The following SARDH variants were observed in gnomAD, a reference collection of about 807,000 sequenced individuals.
SARDH encodes the protein sarcosine dehydrogenase.
A neutral mutation model predicts 109.1 loss-of-function variants in SARDH; 95 were observed. The observed-to-expected ratio is 0.87, with a 90% CI of 0.74 to 1.03. The LOEUF is 1.03. Among genes scored for constraint, SARDH ranks in the 50% least tolerant of loss-of-function variants. SARDH has a pLI of 0.00. For missense variants in SARDH, 1,267 were observed against 1,287.8 expected, an observed-to-expected ratio of 0.98 and a Z score of 0.25; for synonymous variants, 572 against 534.8, an observed-to-expected ratio of 1.07 and a Z score of -0.96.
rs1402597418 is a variant in SARDH at position 133,733,850 on chromosome 9, G to A, written c.324C>T (p.His108=). 6.8e-7 allele frequency: 1 copy of A among 1,465,746 alleles called. No homozygotes were observed. The highest frequency in any genetic ancestry group is 9.0e-7 in the Non-Finnish European group (1 of 1,107,152). 90.8% of individuals were successfully genotyped at this position (1,465,746 alleles called of 1,614,324 possible). A position where few individuals can be genotyped will look rare whatever the true frequency, so the allele number is the denominator to read the frequency against. ...RERLTSGTTW[H]TAGLLWQLRP... is the part of the protein sequence containing the mutation. ...CTGGCCCCCGGTCCCTACCTGCCGT[G>A]TGCCAGGTGGTCCCGGAGGTCAGCC... is the stretch of plus-strand genomic sequence containing the variant. Residue 108 remains histidine, a synonymous_variant, in exon 2 of 21, where the codon CAC becomes CAT. Transcript: ENST00000439388.
intron 4 of SARDH, among the ~76,000 whole-genome samples, chr9:133,730,751 G>T (rs111416137): frequency 0.018 from 2,764 of 152,196 alleles, 45 homozygotes; most frequent in Non-Finnish European, 0.026. Flanking sequence ...GCCGAGGCCG[G>T]TGGATCACGA....
intron 19 of SARDH, among the ~76,000 whole-genome samples, chr9:133,667,452 C>T (rs754875429): frequency 6.6e-6 from 1 of 152,020 alleles, no homozygotes; most frequent in African/African-American, 2.4e-5. Context: ...AGACTTGAGC[C>T]ACTGCGCCCG....
In SARDH at chr9:133,696,161, C is replaced by T; in HGVS notation, c.1807+62G>A. The T allele has an allele frequency of 1.9e-6, 3 of 1,598,516 alleles. No individual in the cohort carries two copies. The South Asian group carries it at 3.3e-5, about 18-fold the overall frequency. On this transcript the variant is annotated intron_variant, in intron 14 of 20. Coordinates refer to ENST00000439388, the MANE Select transcript of SARDH (RefSeq NM_001134707.2). ...GACAGGGTGGCTTGCCAGCTCATCT[C>T]AGTGCCTGAGGCTGTGCCCATGGAG...
chr9:133,731,955 ATT>A (rs1415153324), intron 3 of SARDH, among the ~76,000 whole-genome samples: 1 of 152,196 alleles, frequency 6.6e-6, no homozygotes, highest in Non-Finnish European at 1.5e-5. Flanking sequence ...ACGCCCCCAC[ATT>A]TGATTGGCCC....
At chr9:133,722,931 T>C (rs537779249) in intron 6 of SARDH, among the ~76,000 whole-genome samples, 1 of 152,316 alleles carries the variant, frequency 6.6e-6, no homozygotes, top group African/African-American at 2.4e-5. Flanking sequence ...AGTGCTGGGA[T>C]TATAGGCATG....
rs769374593 is a variant in SARDH at position 133,731,370 on chromosome 9, C to T, written c.625G>A (p.Gly209Ser). 5.0e-6 allele frequency: 8 copies of T among 1,614,164 alleles called. No individual in the cohort carries two copies. The Admixed American group carries it at 6.7e-5, about 13-fold the overall frequency. Residue 209 changes from glycine to serine, a missense_variant, in exon 4 of 21, where the codon GGT (glycine) becomes AGT (serine). Coordinates refer to ENST00000439388, the MANE Select transcript of SARDH (RefSeq NM_001134707.2). ...LYGTLYVPHD[G>S]TMDPAGTCTT... ...CAGGTGCCAGCGGGGTCCATGGTAC[C>T]GTCGTGCGGCACATACAGGGTCCCG... is the stretch of plus-strand genomic sequence containing the variant.
rs746564679 is a variant in SARDH at position 133,734,019 on chromosome 9, G to C, written c.155C>G (p.Thr52Ser). 2 of 1,613,234 alleles carry C rather than the reference G, an allele frequency of 1.2e-6. No homozygotes were observed. The highest frequency in any genetic ancestry group is 4.5e-5 in the East Asian group (2 of 44,880). Residue 52 changes from threonine to serine, a missense_variant, in exon 2 of 21, where the codon ACC becomes AGC. Coordinates refer to ENST00000439388, the MANE Select transcript of SARDH (RefSeq NM_001134707.2). The part of the protein sequence containing the change: ...YQRTLKEGQG[T>S]SVVAQGPSRP... ...GCTTGGGCCTTGGGCCACCACCGAG[G>C]TGCCCTGTCCCTCCTTCAGGGTCCG...
rs200142558 is a variant in SARDH at position 133,731,499 on chromosome 9, G to A, written c.511-15C>T. 4.9e-5 allele frequency: 79 copies of A among 1,613,486 alleles called. No individual in the cohort carries two copies. The African/African-American group carries it at 9.3e-4, about 19-fold the overall frequency. On this transcript the variant is annotated splice_polypyrimidine_tract_variant and intron_variant, in intron 3 of 20. Coordinates refer to ENST00000439388, the MANE Select transcript of SARDH (RefSeq NM_001134707.2). Reference sequence around the variant, plus strand: ...GCCTTGCCCAGCTAGGGGGACCCAGGGGAGGTTAACTGAGTCCGTGGGGAG... The same window carrying A: ...GCCTTGCCCAGCTAGGGGGACCCAGAGGAGGTTAACTGAGTCCGTGGGGAG...
chr9:133,661,493 G>A (rs1006113361), downstream of SARDH, among the ~76,000 whole-genome samples: 9 of 150,058 alleles, frequency 6.0e-5, no homozygotes, highest in African/African-American at 2.2e-4. Flanking sequence ...TTTTTTTGTT[G>A]TTTTTGAGAC....
At position 133,734,039 on chromosome 9, in the gene SARDH, G is replaced by A; in HGVS notation, c.135C>T (p.Thr45=). 4 of 1,613,364 alleles carry A rather than the reference G, an allele frequency of 2.5e-6. No individual in the cohort carries two copies. Among genetic ancestry groups the A allele is most frequent in the Non-Finnish European group, 3.4e-6 (4 of 1,179,960 alleles). The change falls in exon 2 of 21, where the codon ACC becomes ACT. Residue 45 remains threonine, a synonymous_variant. Transcript: ENST00000439388. ...CCGAGGTGCCCTGTCCCTCCTTCAG[G>A]GTCCGCTGATATGGCACACTCTTCT... The part of the protein sequence containing the change: ...TAEKSVPYQR[T]LKEGQGTSVV...
At position 133,686,536 on chromosome 9, in the gene SARDH, A is replaced by C; in HGVS notation, c.2070-1250T>G. 2.1e-5 allele frequency among the ~76,000 whole-genome samples: 3 copies of C among 146,138 alleles called. No homozygotes were observed. Among genetic ancestry groups the C allele is most frequent in the African/African-American group, 2.6e-5 (1 of 39,116 alleles). On this transcript the variant is annotated intron_variant, in intron 16 of 20. Transcript: ENST00000439388. The surrounding 1 kb of genome is among the most constrained non-coding windows in gnomAD (Gnocchi z 4.0). ...GGTTGTACCCACCCCCAATGCATCC[A>C]CCCCCAGGAGCTCCGTGCCAACAGC...
intron 11 of SARDH, among the ~76,000 whole-genome samples, chr9:133,707,690 G>A (rs990306151): frequency 2.0e-5 from 3 of 152,134 alleles, no homozygotes; most frequent in South Asian, 2.1e-4. Flanking sequence ...AAAGCAAAGC[G>A]TCCAGCACGA....
chr9:133,698,114 T>C (rs1385947963), intron 13 of SARDH, among the ~76,000 whole-genome samples: 4 of 151,446 alleles, frequency 2.6e-5, no homozygotes, highest in Non-Finnish European at 4.4e-5. Context: ...CAAAAAACTA[T>C]TGTATTTCTA....
In SARDH at chr9:133,730,206, G is replaced by C; in HGVS notation, c.691-19C>G. The C allele has an allele frequency of 6.2e-7, 1 of 1,613,790 alleles. No individual in the cohort carries two copies. The highest frequency in any genetic ancestry group is 1.3e-5 in the African/African-American group (1 of 75,060). Reference sequence around the variant, plus strand: ...CAATGACCTGGAATTGAGAGGAACTGCTTCTAAAATCCCACGGGACTCCCC... The same window carrying C: ...CAATGACCTGGAATTGAGAGGAACTCCTTCTAAAATCCCACGGGACTCCCC... On this transcript the variant is annotated intron_variant, in intron 4 of 20. Transcript: ENST00000439388.
chr9:133,733,849 T>C lies in SARDH; in HGVS notation c.325A>G (p.Thr109Ala). 6.8e-7 allele frequency: 1 copy of C among 1,463,990 alleles called. No individual in the cohort carries two copies. The highest frequency in any genetic ancestry group is 9.0e-7 in the Non-Finnish European group (1 of 1,106,310). 90.7% of individuals were successfully genotyped at this position (1,463,990 alleles called of 1,614,324 possible). A position where few individuals can be genotyped will look rare whatever the true frequency, so the allele number is the denominator to read the frequency against. Reference sequence around the variant, plus strand: ...CCTGGCCCCCGGTCCCTACCTGCCGTGTGCCAGGTGGTCCCGGAGGTCAGC... The same window carrying C: ...CCTGGCCCCCGGTCCCTACCTGCCGCGTGCCAGGTGGTCCCGGAGGTCAGC... The part of the protein sequence containing the change: ...ERLTSGTTWH[T>A]AGLLWQLRPS... The change falls in exon 2 of 21, where the codon ACG becomes GCG. Residue 109 changes from threonine to alanine, a missense_variant. Transcript: ENST00000439388.
At chr9:133,661,994 C>T (rs568142337), downstream of SARDH, among the ~76,000 whole-genome samples, 13 of 152,214 alleles carry the variant, frequency 8.5e-5, 1 homozygote, top group East Asian at 2.3e-3. Context: ...GGAGCCATGG[C>T]GGGGCCAGGA....
At chr9:133,677,982 C>T (rs1240048557) in intron 17 of SARDH, among the ~76,000 whole-genome samples, 5 of 152,228 alleles carry the variant, frequency 3.3e-5, no homozygotes, top group Non-Finnish European at 5.9e-5. Flanking sequence ...TGGCTATCTC[C>T]CTCCAAATTG....
At chr9:133,721,565 T>C (rs535854368) in intron 6 of SARDH, among the ~76,000 whole-genome samples, 15 of 152,288 alleles carry the variant, frequency 9.8e-5, no homozygotes, top group African/African-American at 3.4e-4. Flanking sequence ...GCTTAGACCA[T>C]GCAGCGGTCA....
chr9:133,682,579 C>A (rs561472430), intron 17 of SARDH, among the ~76,000 whole-genome samples: 2 of 152,360 alleles, frequency 1.3e-5, no homozygotes, highest in Non-Finnish European at 2.9e-5. Flanking sequence ...TCTGAGGGGG[C>A]AAGGGTCGTG....
Sources: allele counts gnomAD v4.1 joint callset (sites outside exome capture counted in the v4.1 genomes callset), GRCh38; gene constraint gnomAD v4.1.1; non-coding constraint Gnocchi (gnomAD v3.1); transcripts MANE v1.5; gene names NCBI Gene and HGNC (gene_info 2026-07-23, HGNC 2026-07-21).